The following TGFB2 variants were observed in gnomAD, a reference collection of about 807,000 sequenced individuals.
TGFB2 encodes transforming growth factor beta 2, also known as transforming growth factor beta-2 proprotein.
In TGFB2, 13 loss-of-function variants were observed where a neutral mutation model predicts 42.7. That is an observed-to-expected ratio of 0.30 (90% CI 0.20 to 0.48). The LOEUF (loss-of-function observed/expected upper bound fraction) is 0.48. Among genes scored for constraint, TGFB2 ranks in the 20% least tolerant of loss-of-function variants. The pLI is 0.99. For synonymous variants in TGFB2, 193 were observed against 193.6 expected (o/e 1.00, Z 0.03); for missense variants, 390 against 517.5 (o/e 0.75, Z 2.39).
intron 2 of TGFB2, among the ~76,000 whole-genome samples, chr1:218,432,546 T>A (rs1375164455): frequency 6.6e-6 from 1 of 152,188 alleles, no homozygotes; most frequent in Non-Finnish European, 1.5e-5. Context: ...CCAAATTACC[T>A]GAAACAAATC....
intron 1 of TGFB2, among the ~76,000 whole-genome samples, chr1:218,377,967 T>A (rs1357698223): frequency 1.4e-5 from 2 of 142,798 alleles, no homozygotes; most frequent in Non-Finnish European, 2.9e-5. Flanking sequence ...TGTGTTTGTT[T>A]GTTTGTTTGT....
chr1:218,402,792 G>A (rs1658772159), intron 1 of TGFB2, among the ~76,000 whole-genome samples: 1 of 152,202 alleles, frequency 6.6e-6, no homozygotes, highest in African/African-American at 2.4e-5. Context: ...CTCCTTCAAA[G>A]GATGTTTGAA....
chr1:218,419,226 C>T (rs1278539070), intron 2 of TGFB2, among the ~76,000 whole-genome samples: 2 of 152,140 alleles, frequency 1.3e-5, no homozygotes, highest in African/African-American at 4.8e-5. Context: ...TCAATGACCT[C>T]TTTGCTCTTC....
intron 2 of TGFB2, among the ~76,000 whole-genome samples, chr1:218,432,118 C>T (rs986214814): frequency 1.5e-4 from 23 of 152,232 alleles, no homozygotes; most frequent in African/African-American, 2.6e-4. Flanking sequence ...GAAAATGACT[C>T]GGGATTGAGT....
At chr1:218,372,244 T>C (rs1314908143) in intron 1 of TGFB2, among the ~76,000 whole-genome samples, 1 of 152,236 alleles carries the variant, frequency 6.6e-6, no homozygotes, top group Non-Finnish European at 1.5e-5. Context: ...ATGCAACTGC[T>C]GGAGCTGTTT....
chr1:218,352,744 C>T (rs2102534276), intron 1 of TGFB2, among the ~76,000 whole-genome samples: 1 of 152,310 alleles, frequency 6.6e-6, no homozygotes, highest in African/African-American at 2.4e-5. Flanking sequence ...CCCTTGGCCT[C>T]TTCCCTACCA....
intron 1 of TGFB2, among the ~76,000 whole-genome samples, chr1:218,348,747 T>A (rs1656773746): frequency 1.3e-5 from 2 of 152,340 alleles, no homozygotes; most frequent in South Asian, 4.1e-4. Flanking sequence ...CAGTTTGCTT[T>A]CTCTAGCATG....
intron 1 of TGFB2, among the ~76,000 whole-genome samples, chr1:218,362,659 G>A (rs1295096995): frequency 6.6e-6 from 1 of 152,174 alleles, no homozygotes; most frequent in Non-Finnish European, 1.5e-5. Flanking sequence ...TTGTGGGGGA[G>A]GGGGTGTGCT....
intron 1 of TGFB2, among the ~76,000 whole-genome samples, chr1:218,360,348 T>A (rs376784874): frequency 6.6e-6 from 1 of 152,262 alleles, no homozygotes; most frequent in Non-Finnish European, 1.5e-5. Context: ...TTAATTACTT[T>A]GTAAATTACC....
intron 1 of TGFB2, among the ~76,000 whole-genome samples, chr1:218,351,919 C>T (rs1370759260): frequency 1.3e-5 from 2 of 152,244 alleles, no homozygotes; most frequent in Non-Finnish European, 2.9e-5. Flanking sequence ...GTTGAACCCA[C>T]ATCAAATCTG....
At position 218,415,564 on chromosome 1, in the gene TGFB2, G is replaced by A. The variant is rs192167427; in HGVS notation, c.510+10232G>A. On this transcript the variant is annotated intron_variant, in intron 2 of 6. Transcript: ENST00000366930. ...ATAAAAATTAGCCAGGCGTGGTGGC[G>A]GGCGCCTGTAATCCCAGCTACTCAG... Among the ~76,000 whole-genome samples the A allele has an allele frequency of 2.5e-3, 386 of 151,776 alleles. 3 individuals carry two copies. Among genetic ancestry groups the A allele is most frequent in the Non-Finnish European group, 4.0e-3 (272 of 67,938 alleles).
chr1:218,435,581 G>T (rs1394299532), intron 4 of TGFB2, among the ~76,000 whole-genome samples: 1 of 152,172 alleles, frequency 6.6e-6, no homozygotes, highest in Non-Finnish European at 1.5e-5. Flanking sequence ...GAACCAGCGG[G>T]TGACAAGGCA....
At chr1:218,389,827 G>T (rs1313782085) in intron 1 of TGFB2, among the ~76,000 whole-genome samples, 2 of 152,150 alleles carry the variant, frequency 1.3e-5, no homozygotes, top group Non-Finnish European at 2.9e-5. Context: ...TAACCTTTAA[G>T]AGTAGATTAG....
chr1:218,417,219 A>T (rs1245271867), intron 2 of TGFB2, among the ~76,000 whole-genome samples: 1 of 152,236 alleles, frequency 6.6e-6, no homozygotes, highest in Non-Finnish European at 1.5e-5. Flanking sequence ...TTTGACAAAA[A>T]TGCTGATGGT....
chr1:218,381,644 G>A (rs1453258753), intron 1 of TGFB2, among the ~76,000 whole-genome samples: 6 of 152,164 alleles, frequency 3.9e-5, no homozygotes, highest in Non-Finnish European at 5.9e-5. Flanking sequence ...CAAACATGAC[G>A]TCTTCATTAG....
Position 218,443,710 on chromosome 1 carries a change from T to G in TGFB2, c.*2348T>G, listed in dbSNP as rs1660229328. On this transcript the variant is annotated 3_prime_UTR_variant, in exon 7 of 7. Coordinates refer to ENST00000366930, the MANE Select transcript of TGFB2 (RefSeq NM_003238.6). ...TCTATTTTAAGATCTCTTGAATCTG[T>G]TTTTTTTTTTTTTAATTTGGGGGTT... 1 of 48,986 alleles carries G rather than the reference T, an allele frequency of 2.0e-5. No individual in the cohort carries two copies. Among genetic ancestry groups the G allele is most frequent in the Admixed American group, 2.8e-4 (1 of 3,536 alleles). 3.0% of individuals were successfully genotyped at this position (48,986 alleles called of 1,614,324 possible).
intron 1 of TGFB2, among the ~76,000 whole-genome samples, chr1:218,393,505 A>G (rs1411077270): frequency 1.3e-5 from 2 of 152,208 alleles, no homozygotes; most frequent in Non-Finnish European, 2.9e-5. Flanking sequence ...ACTGCATTCT[A>G]GAATGGTATA....
At chr1:218,406,830 T>A (rs527426041) in intron 2 of TGFB2, among the ~76,000 whole-genome samples, 1 of 152,156 alleles carries the variant, frequency 6.6e-6, no homozygotes, top group East Asian at 1.9e-4. Flanking sequence ...AGAGTGACAC[T>A]ACAGAGGATT....
At chr1:218,428,498 G>T (rs910423370) in intron 2 of TGFB2, among the ~76,000 whole-genome samples, 4 of 152,090 alleles carry the variant, frequency 2.6e-5, no homozygotes, top group African/African-American at 9.7e-5. Flanking sequence ...AATCCATCTT[G>T]AATTAATTTT....
Sources: gnomAD v4.1 joint callset for allele counts (sites outside exome capture counted in the v4.1 genomes callset) on GRCh38, gnomAD v4.1.1 for gene constraint, MANE v1.5 for transcripts, NCBI Gene and HGNC (gene_info 2026-07-23, HGNC 2026-07-21) for gene names.